Variants in FYCO1 observed in about 807,000 individuals in gnomAD.
FYCO1 encodes FYVE and coiled-coil domain autophagy adaptor 1, also known as FYVE and coiled-coil domain-containing protein 1.
Under a neutral mutation model 165.1 loss-of-function variants are expected in FYCO1, and 122 were observed. That is an observed-to-expected ratio of 0.74 (90% CI 0.64 to 0.86). FYCO1 has a LOEUF of 0.86. Among genes scored for constraint, FYCO1 ranks in the 40% least tolerant of loss-of-function variants. FYCO1 has a pLI of 0.00. For synonymous variants in FYCO1, 648 were observed against 742.5 expected, an observed-to-expected ratio of 0.87 and a Z score of 2.07; for missense variants, 1,702 against 1,810.3, an observed-to-expected ratio of 0.94 and a Z score of 1.09.
chr3:45,946,193 G>A (rs1704590144), intron 14 of FYCO1: 1 of 338,718 alleles, frequency 3.0e-6, no homozygotes, highest in Non-Finnish European at 5.4e-6. Flanking sequence ...GGATTTTATG[G>A]AATGTGCTTA....
rs1248648091 is a variant in FYCO1, at chr3:45,968,026, C to T, written c.1308G>A (p.Gln436=). 1.2e-6 allele frequency: 2 copies of T among 1,614,066 alleles called. 1 individual carries two copies. The highest frequency in any genetic ancestry group is 2.7e-5 in the African/African-American group (2 of 74,924). Residue 436 remains glutamine, a synonymous_variant, in exon 8 of 18, where the codon CAG becomes CAA. Coordinates refer to ENST00000296137, the MANE Select transcript of FYCO1 (RefSeq NM_024513.4). ...AQLEQLVKEL[Q]LKEDARASLE... ...GGCTGGCCCGGGCATCCTCTTTCAG[C>T]TGAAGCTCCTTGACCAGCTGTTCCA...
chr3:45,994,616 G>A (rs1381751212), intron 1 of FYCO1, among the ~76,000 whole-genome samples: 1 of 152,180 alleles, frequency 6.6e-6, no homozygotes, highest in Admixed American at 6.5e-5. Flanking sequence ...ACTGAAAGCA[G>A]AAAACCTTGG....
rs1575365998 is a variant in FYCO1 at position 45,964,468 on chromosome 3, T to C, written c.3151-14A>G. 6.2e-7 allele frequency: 1 copy of C among 1,613,718 alleles called. No homozygotes were observed. The highest frequency in any genetic ancestry group is 8.5e-7 in the Non-Finnish European group (1 of 1,179,740). ...TGCTTGGGTGGCCTGGCACAGGACG[T>C]CAGGGAGAAGACACTCAGCTTGCAG... On this transcript the variant is annotated splice_polypyrimidine_tract_variant and intron_variant, in intron 9 of 17. Transcript: ENST00000296137. The surrounding 1 kb of genome is among the most constrained non-coding windows in gnomAD (Gnocchi z 4.1).
At chr3:45,947,242 G>A (rs781587134) in intron 14 of FYCO1, 14 of 1,613,994 alleles carry the variant, frequency 8.7e-6, no homozygotes, top group Non-Finnish European at 1.1e-5. Flanking sequence ...AAGTTCATCC[G>A]CAGCACACAC....
Position 45,923,695 on chromosome 3 carries a change from G to A in FYCO1, c.4322C>T (p.Pro1441Leu). 6.2e-7 allele frequency: 1 copy of A among 1,614,120 alleles called. No homozygotes were observed. Among genetic ancestry groups the A allele is most frequent in the Non-Finnish European group, 8.5e-7 (1 of 1,179,972 alleles). ...NIQGQLKVRTPGIYMLIFDNT... is the reference protein window; with the variant it reads ...NIQGQLKVRTLGIYMLIFDNT... ...GTCGAAGATGAGCATGTAGATGCCGGGTGTGCGAACCTTGAGCTGGCCCTG... is the reference window on the plus strand; with the variant it reads ...GTCGAAGATGAGCATGTAGATGCCGAGTGTGCGAACCTTGAGCTGGCCCTG... Residue 1441 changes from proline to leucine, a missense_variant, in exon 17 of 18, where the codon CCC becomes CTC. Transcript: ENST00000296137.
rs1703098776 is a variant in FYCO1, at chr3:45,921,698, C to T, written c.*67G>A. ...GAGCAGCTGACTTTTTAAAAAAATG[C>T]TTTATGTGACAGGTGAGGAAGAGCA... On this transcript the variant is annotated 3_prime_UTR_variant, in exon 18 of 18. Transcript: ENST00000296137. 2 of 1,105,172 alleles carry T rather than the reference C, an allele frequency of 1.8e-6. No individual in the cohort carries two copies. The highest frequency in any genetic ancestry group is 1.5e-5 in the African/African-American group (1 of 65,044). 68.5% of individuals were successfully genotyped at this position (1,105,172 alleles called of 1,614,324 possible).
intron 14 of FYCO1, among the ~76,000 whole-genome samples, chr3:45,950,107 T>C (rs1189839839): frequency 6.6e-6 from 1 of 152,066 alleles, no homozygotes; most frequent in Non-Finnish European, 1.5e-5. Context: ...GTTCCCAATC[T>C]CAGCCCACCC....
chr3:45,963,136 A>T (rs1705796559), intron 10 of FYCO1, among the ~76,000 whole-genome samples: 1 of 152,092 alleles, frequency 6.6e-6, no homozygotes, highest in African/African-American at 2.4e-5. Flanking sequence ...CACATCTAGT[A>T]TAAAGTTGCC....
chr3:45,994,475 T>C (rs1162641502), intron 1 of FYCO1, among the ~76,000 whole-genome samples: 2 of 152,156 alleles, frequency 1.3e-5, no homozygotes, highest in East Asian at 3.8e-4. Flanking sequence ...TTAGCTCTTA[T>C]TTTCAGGGTG....
rs78905379 is a variant in FYCO1 at position 45,954,991 on chromosome 3, G to A, written c.3944+258C>T. 0.023 allele frequency among the ~76,000 whole-genome samples: 3,449 copies of A among 152,236 alleles called. 138 individuals are homozygous for A. The highest frequency in any genetic ancestry group is 0.076 in the African/African-American group (3,174 of 41,518). On this transcript the variant is annotated intron_variant, in intron 14 of 17. Transcript: ENST00000296137. ...AGCACCCAAGCAAACTAATATAGTC[G>A]CTCAAGCCAAGAAAGACAGGCCTTA...
chr3:45,965,914 C>T (rs375598390), intron 8 of FYCO1, among the ~76,000 whole-genome samples: 19 of 152,188 alleles, frequency 1.2e-4, no homozygotes, highest in Non-Finnish European at 2.8e-4. Context: ...TGCCACAGGG[C>T]GGGGGCAAGG....
chr3:45,995,323 G>A (rs1707754458), intron 1 of FYCO1, among the ~76,000 whole-genome samples: 1 of 152,270 alleles, frequency 6.6e-6, no homozygotes, highest in South Asian at 2.1e-4. Context: ...AACTGGGCCA[G>A]AGACTAAACT....
rs767981663 is a variant in FYCO1, at chr3:45,964,434, TC to T, written c.3170del (p.Gly1057GlufsTer4). 1.1e-5 allele frequency: 18 copies of T among 1,614,002 alleles called. No individual in the cohort carries two copies. Among genetic ancestry groups the T allele is most frequent in the Non-Finnish European group, 1.5e-5 (18 of 1,179,892 alleles). ...EKLKATQADM[G>X]EKLSCTSNHL... ...GGTTGCTAGTGCAGCTCAGCTTCTCTCCCATGTCTGCTTGGGTGGCCTGGCA... is the reference window on the plus strand; with the variant it reads ...GGTTGCTAGTGCAGCTCAGCTTCTCTCCATGTCTGCTTGGGTGGCCTGGCA... On this transcript the variant is annotated frameshift_variant, in exon 10 of 18. Transcript: ENST00000296137. LOFTEE classifies it high-confidence loss of function. The surrounding 1 kb of genome is among the most constrained non-coding windows in gnomAD (Gnocchi z 4.1).
chr3:45,989,268 A>T lies in FYCO1; in HGVS notation c.-112-4246T>A, dbSNP rs946736668. On this transcript the variant is annotated intron_variant, in intron 1 of 17. Coordinates refer to ENST00000296137, the MANE Select transcript of FYCO1 (RefSeq NM_024513.4). ...CCAAGAAAGAATGTTAAGGACAAGGATGGTTAAAAAGGCAGAAAAGCCTTT... is the reference window on the plus strand; with the variant it reads ...CCAAGAAAGAATGTTAAGGACAAGGTTGGTTAAAAAGGCAGAAAAGCCTTT... Among the ~76,000 whole-genome samples, 4 of 152,318 alleles carry T rather than the reference A, an allele frequency of 2.6e-5. No homozygotes were observed. In the South Asian group the frequency reaches 6.2e-4, roughly 24 times the overall value.
At chr3:45,957,197 C>A (rs1559454404) in intron 13 of FYCO1, among the ~76,000 whole-genome samples, 2 of 152,154 alleles carry the variant, frequency 1.3e-5, no homozygotes, top group African/African-American at 2.4e-5. Flanking sequence ...AACTGGACAG[C>A]CATACAAAAA....
rs139730012 is a variant in FYCO1 at position 45,973,132 on chromosome 3, C to A, written c.495G>T (p.Ala165=). 1.2e-6 allele frequency: 2 copies of A among 1,614,240 alleles called. No individual in the cohort carries two copies. The highest frequency in any genetic ancestry group is 2.2e-5 in the South Asian group (2 of 91,088). ...CAGCATCCAAGTCAAAGCCCCTCGA[C>A]GCCAGGTCAAACTGAACCTCAGTCA... The part of the protein sequence containing the change: ...YELTEVQFDL[A]SRGFDLDAAW... Residue 165 remains alanine, a synonymous_variant, in exon 6 of 18, where the codon GCG becomes GCT. Transcript: ENST00000296137.
chr3:45,970,546 C>T (rs1418938111), intron 6 of FYCO1, among the ~76,000 whole-genome samples: 2 of 152,206 alleles, frequency 1.3e-5, no homozygotes, highest in Non-Finnish European at 2.9e-5. Context: ...GGCTTATTCA[C>T]CCAACAGAAT....
intron 1 of FYCO1, among the ~76,000 whole-genome samples, chr3:45,994,517 C>T (rs1707704894): frequency 6.6e-6 from 1 of 152,108 alleles, no homozygotes; most frequent in Admixed American, 6.5e-5. Context: ...TAGTATGGGG[C>T]ATTCAATGCT....
At position 45,950,845 on chromosome 3, in the gene FYCO1, G is replaced by A. The variant is rs145621642; in HGVS notation, c.3944+4404C>T. 2.3e-3 allele frequency among the ~76,000 whole-genome samples: 343 copies of A among 152,296 alleles called. 2 individuals are homozygous for A. The highest frequency in any genetic ancestry group is 7.4e-3 in the African/African-American group (307 of 41,566). On this transcript the variant is annotated intron_variant, in intron 14 of 17. Transcript: ENST00000296137. ...CTGTCACCTCTGTATTCAGCTGAAG[G>A]CAGAGATCTTGGGTCAACCCACGCG...
Sources: gnomAD v4.1 joint callset for allele counts (sites outside exome capture counted in the v4.1 genomes callset) on GRCh38, gnomAD v4.1.1 for gene constraint, Gnocchi (gnomAD v3.1) non-coding constraint, MANE v1.5 for transcripts, NCBI Gene and HGNC (gene_info 2026-07-23, HGNC 2026-07-21) for gene names.